TAFA4: variants seen among roughly 807,000 people sequenced by gnomAD.
TAFA4 encodes TAFA chemokine like family member 4, also known as chemokine-like protein TAFA-4.
A neutral mutation model predicts 21.1 loss-of-function variants in TAFA4; 20 were observed. The ratio of observed to expected loss-of-function variants is 0.95; its 90% CI spans 0.67 to 1.38. The LOEUF is 1.38. TAFA4 is among the 40% of genes most tolerant of loss of function. TAFA4 has a pLI of 0.00. For synonymous variants in TAFA4, 71 were observed against 67.4 expected, an observed-to-expected ratio of 1.05 and a Z score of -0.26; for missense variants, 211 against 180.9, an observed-to-expected ratio of 1.17 and a Z score of -0.95.
chr3:68,832,570 G>A (rs551420959), intron 3 of TAFA4, among the ~76,000 whole-genome samples: 1 of 152,132 alleles, frequency 6.6e-6, no homozygotes, highest in African/African-American at 2.4e-5. Flanking sequence ...CATCCCAGAG[G>A]GGCACCCACC....
Position 68,739,119 on chromosome 3 carries a change from A to G in TAFA4, c.367T>C (p.Ser123Pro), listed in dbSNP as rs1363572721. The change falls in exon 5 of 6, where the codon TCA becomes CCA. Residue 123 changes from serine (S) to proline (P), a missense_variant. Transcript: ENST00000295569. ...GEDCKVLPDYSGWSCSSGNKV... is the reference protein window; with the variant it reads ...GEDCKVLPDYPGWSCSSGNKV... ...TTGCCACTGCTACAGGACCAACCTG[A>G]GTAATCTGGCAGCACTTTACAATCC... 6.2e-7 allele frequency: 1 copy of G among 1,614,010 alleles called. No individual in the cohort carries two copies. Among genetic ancestry groups the G allele is most frequent in the Non-Finnish European group, 8.5e-7 (1 of 1,179,892 alleles).
chr3:68,862,855 T>TCA (rs145463746), intron 3 of TAFA4, among the ~76,000 whole-genome samples: 2,199 of 148,546 alleles, frequency 0.015, 46 homozygotes, highest in African/African-American at 0.023. Flanking sequence ...AAAAGAATTT[T>TCA]CACACACACA....
chr3:68,891,996 T>A (rs1401167390), intron 1 of TAFA4, among the ~76,000 whole-genome samples: 1 of 152,240 alleles, frequency 6.6e-6, no homozygotes, highest in Non-Finnish European at 1.5e-5. Context: ...CAGGTATTAA[T>A]GATCTTCTTA....
rs1047827356 is a variant in TAFA4, at chr3:68,732,686, A to G, written c.*456T>C. The G allele has an allele frequency of 6.4e-6, 1 of 155,598 alleles. No individual in the cohort carries two copies. The highest frequency in any genetic ancestry group is 1.4e-5 in the Non-Finnish European group (1 of 70,388). The allele number at this position is 155,598 out of a possible 1,614,324, so 9.6% of individuals were successfully genotyped here. On this transcript the variant is annotated 3_prime_UTR_variant, in exon 6 of 6. Transcript: ENST00000295569. ...CACCAGCTAATCTACATCTGCAAAT[A>G]TGTTTTGCCAAAATCTTTTTAGACC...
chr3:68,795,041 C>G (rs1703430170), intron 3 of TAFA4, among the ~76,000 whole-genome samples: 2 of 150,890 alleles, frequency 1.3e-5, no homozygotes, highest in Non-Finnish European at 3.0e-5. Context: ...CACACAGACA[C>G]ACAGTCTTTT....
At chr3:68,735,613 T>C (rs1041714433) in intron 5 of TAFA4, among the ~76,000 whole-genome samples, 1 of 151,962 alleles carries the variant, frequency 6.6e-6, no homozygotes. Context: ...CAATGACCCA[T>C]GGTGATGGCC....
intron 1 of TAFA4, among the ~76,000 whole-genome samples, chr3:68,929,563 C>A (rs559564130): frequency 7.9e-5 from 12 of 152,330 alleles, no homozygotes; most frequent in African/African-American, 2.4e-4. Context: ...CCATCACCTA[C>A]GTGGCTATCT....
intron 3 of TAFA4, among the ~76,000 whole-genome samples, chr3:68,816,156 G>C (rs1344209299): frequency 1.3e-5 from 2 of 152,016 alleles, no homozygotes; most frequent in African/African-American, 4.8e-5. Flanking sequence ...CACACACCGG[G>C]GCCTGTTGTG....
intron 4 of TAFA4, among the ~76,000 whole-genome samples, chr3:68,742,378 T>TA (rs1408478151): frequency 6.6e-6 from 1 of 152,180 alleles, no homozygotes; most frequent in African/African-American, 2.4e-5. Context: ...AACACAGTCT[T>TA]ATATATAGGA....
intron 3 of TAFA4, among the ~76,000 whole-genome samples, chr3:68,816,988 G>T (rs1479070011): frequency 6.6e-6 from 1 of 152,124 alleles, no homozygotes; most frequent in Non-Finnish European, 1.5e-5. Flanking sequence ...TCAAAGGCTG[G>T]GGTGGCTGTG....
chr3:68,820,359 C>G (rs982610383), intron 3 of TAFA4, among the ~76,000 whole-genome samples: 5 of 152,096 alleles, frequency 3.3e-5, no homozygotes, highest in Non-Finnish European at 5.9e-5. Flanking sequence ...ATGGTGGCTA[C>G]AGTTAATAAC....
intron 3 of TAFA4, among the ~76,000 whole-genome samples, chr3:68,797,845 T>C (rs746127947): frequency 5.9e-5 from 9 of 152,094 alleles, no homozygotes; most frequent in Non-Finnish European, 1.2e-4. Flanking sequence ...GTTTCAGCTT[T>C]GTAAAATGAA....
intron 3 of TAFA4, among the ~76,000 whole-genome samples, chr3:68,823,350 C>A (rs1416458687): frequency 6.6e-6 from 1 of 152,224 alleles, no homozygotes; most frequent in African/African-American, 2.4e-5. Flanking sequence ...CATTCTTCAT[C>A]TCACATCTCA....
chr3:68,930,132 CTTCTTT>C (rs1224991414), intron 1 of TAFA4, among the ~76,000 whole-genome samples: 1 of 152,162 alleles, frequency 6.6e-6, no homozygotes, highest in Non-Finnish European at 1.5e-5. Flanking sequence ...AAAGGAGTTT[CTTCTTT>C]TTCTTTTTTA....
At chr3:68,929,171 T>C (rs1165094701) in intron 1 of TAFA4, among the ~76,000 whole-genome samples, 1 of 152,160 alleles carries the variant, frequency 6.6e-6, no homozygotes, top group Non-Finnish European at 1.5e-5. Context: ...CAAAGTGCAG[T>C]GCCATACTAC....
At chr3:68,776,231 G>A (rs870241) in intron 3 of TAFA4, among the ~76,000 whole-genome samples, 31,109 of 151,878 alleles carry the variant, frequency 0.2, 4,051 homozygotes, top group East Asian at 0.61. Flanking sequence ...GGTAGAGACC[G>A]TCAGAATAGA....
chr3:68,858,520 C>G (rs1034810963), intron 3 of TAFA4, among the ~76,000 whole-genome samples: 3 of 151,304 alleles, frequency 2.0e-5, no homozygotes, highest in African/African-American at 7.3e-5. Flanking sequence ...AATTTTTTTT[C>G]AACCGAATAT....
chr3:68,748,894 G>A (rs944979855), intron 4 of TAFA4, among the ~76,000 whole-genome samples: 20 of 152,116 alleles, frequency 1.3e-4, no homozygotes, highest in African/African-American at 4.3e-4. Context: ...AAACTTCCTT[G>A]TACTACACAT....
At chr3:68,795,990 G>T (rs1324313790) in intron 3 of TAFA4, among the ~76,000 whole-genome samples, 1 of 152,082 alleles carries the variant, frequency 6.6e-6, no homozygotes, top group African/African-American at 2.4e-5. Flanking sequence ...TTGGAGAAGA[G>T]CTGGAAGAAT....
Sources: gnomAD v4.1 joint callset for allele counts (sites outside exome capture counted in the v4.1 genomes callset) on GRCh38, gnomAD v4.1.1 for gene constraint, MANE v1.5 for transcripts, NCBI Gene and HGNC (gene_info 2026-07-23, HGNC 2026-07-21) for gene names.